Variants in TAF3 observed in about 807,000 individuals in gnomAD.
The protein encoded by TAF3 is TATA-box binding protein associated factor 3.
In TAF3, 7 loss-of-function variants were observed where a neutral mutation model predicts 80.6. The observed-to-expected ratio is 0.09, with a 90% CI of 0.05 to 0.16. The LOEUF (loss-of-function observed/expected upper bound fraction) is 0.16, where lower values mean the gene tolerates loss of function less well. Ranked by LOEUF, TAF3 falls within the 10% of genes least tolerant of loss-of-function variation. The probability of loss-of-function intolerance (pLI) is 1.00; values close to 1 mark genes in which losing one functional copy is unlikely to be tolerated. For missense variants in TAF3, 921 were observed against 1,140.2 expected (o/e 0.81, Z 2.77); for synonymous variants, 444 against 446.1 (o/e 1.00, Z 0.06).
rs149518486 is a variant in TAF3 at position 8,016,108 on chromosome 10, A to C, written c.*1357A>C. On this transcript the variant is annotated 3_prime_UTR_variant, in exon 7 of 7. Transcript: ENST00000344293. ...ATATTTTATTTTTAATGTTAAAAAAACATCAAATTTAACTTTATTAGCATA... is the reference window on the plus strand; with the variant it reads ...ATATTTTATTTTTAATGTTAAAAAACCATCAAATTTAACTTTATTAGCATA... 1.5e-3 allele frequency: 222 copies of C among 152,276 alleles called. No individual in the cohort carries two copies. The highest frequency in any genetic ancestry group is 4.2e-3 in the African/African-American group (176 of 41,538). The allele number at this position is 152,276 out of a possible 1,614,324, so 9.4% of individuals were successfully genotyped here.
chr10:7,934,657 C>G (rs1837899713), intron 2 of TAF3, among the ~76,000 whole-genome samples: 1 of 152,064 alleles, frequency 6.6e-6, no homozygotes, highest in South Asian at 2.1e-4. Context: ...GTTGGCCAGA[C>G]TGGTCTTGAA....
intron 2 of TAF3, among the ~76,000 whole-genome samples, chr10:7,909,462 G>A (rs1837637139): frequency 6.6e-6 from 1 of 152,164 alleles, no homozygotes; most frequent in African/African-American, 2.4e-5. Context: ...AAGCTTCCTT[G>A]GACTTCACTG....
intron 4 of TAF3, among the ~76,000 whole-genome samples, chr10:7,981,714 A>T (rs1450372308): frequency 6.6e-6 from 1 of 152,222 alleles, no homozygotes; most frequent in Non-Finnish European, 1.5e-5. Context: ...CAGTAACTTC[A>T]TCATCAGCCC....
At chr10:7,989,472 A>C (rs1238956414) in intron 4 of TAF3, among the ~76,000 whole-genome samples, 3 of 152,206 alleles carry the variant, frequency 2.0e-5, no homozygotes, top group African/African-American at 4.8e-5. Flanking sequence ...TTTATTTGTG[A>C]ATCATTCCTA....
chr10:7,894,276 A>C (rs1409061886), intron 2 of TAF3, among the ~76,000 whole-genome samples: 1 of 152,218 alleles, frequency 6.6e-6, no homozygotes. Context: ...CAGCAGGGAC[A>C]GTCGGCCCTC....
At chr10:7,861,868 G>A (rs1047874458) in intron 2 of TAF3, among the ~76,000 whole-genome samples, 1 of 151,958 alleles carries the variant, frequency 6.6e-6, no homozygotes, top group Admixed American at 6.6e-5. Context: ...AAAGTTTTTA[G>A]CTATTTATTT....
chr10:7,916,110 C>T (rs1025099469), intron 2 of TAF3, among the ~76,000 whole-genome samples: 2 of 152,126 alleles, frequency 1.3e-5, no homozygotes, highest in Non-Finnish European at 2.9e-5. Flanking sequence ...ACCTCTTAAC[C>T]CAAAGTGTTT....
chr10:7,944,246 A>G (rs1428099185), intron 2 of TAF3, among the ~76,000 whole-genome samples: 4 of 152,026 alleles, frequency 2.6e-5, no homozygotes, highest in Non-Finnish European at 4.4e-5. Context: ...AATACTGCCA[A>G]AAATTCAGGT....
rs753902139 is a variant in TAF3, at chr10:7,964,993, C to T, written c.1483C>T (p.Pro495Ser). The T allele has an allele frequency of 6.2e-7, 1 of 1,614,056 alleles. No homozygotes were observed. Among genetic ancestry groups the T allele is most frequent in the Non-Finnish European group, 8.5e-7 (1 of 1,180,030 alleles). ...MPPNFPYISS[P>S]SVSPPTPEPL... ...CCCCAACTTTCCTTATATCTCTTCT[C>T]CGTCAGTGTCTCCTCCCACTCCCGA... The change falls in exon 3 of 7, where the codon CCG becomes TCG. Residue 495 changes from proline to serine, a missense_variant. This residue lies in a region of TAF3 where 743 missense variants were observed against 821.0 expected (regional missense o/e 0.90). Transcript: ENST00000344293. The surrounding 1 kb of genome is among the most constrained non-coding windows in gnomAD (Gnocchi z 4.1).
At chr10:7,894,548 A>G (rs951106489) in intron 2 of TAF3, among the ~76,000 whole-genome samples, 4 of 152,196 alleles carry the variant, frequency 2.6e-5, no homozygotes, top group African/African-American at 7.2e-5. Context: ...AAGTAGAACA[A>G]TGATTTTTAA....
intron 4 of TAF3, 141 bp downstream of exon 4, chr10:7,977,464 T>G (rs1831684540): frequency 2.9e-6 from 2 of 681,508 alleles, no homozygotes. Flanking sequence ...CTCTTCGTTT[T>G]CAAGTTTTTA....
chr10:7,979,047 A>T (rs1831699061), intron 4 of TAF3, among the ~76,000 whole-genome samples: 1 of 152,080 alleles, frequency 6.6e-6, no homozygotes, highest in Non-Finnish European at 1.5e-5. Context: ...GTCTCTAAAA[A>T]TAAAAAATAA....
At chr10:7,941,512 G>A (rs559721569) in intron 2 of TAF3, among the ~76,000 whole-genome samples, 131 of 152,276 alleles carry the variant, frequency 8.6e-4, no homozygotes, top group South Asian at 2.7e-3. Context: ...TGAGTGGGCC[G>A]TGTAGTAATC....
chr10:8,008,602 C>T (rs1832019448), intron 4 of TAF3, among the ~76,000 whole-genome samples: 1 of 152,218 alleles, frequency 6.6e-6, no homozygotes, highest in African/African-American at 2.4e-5. Flanking sequence ...ACCCAAAAAT[C>T]TCAAGGGCTT....
At chr10:7,940,039 C>T (rs1564367607) in intron 2 of TAF3, among the ~76,000 whole-genome samples, 1 of 151,974 alleles carries the variant, frequency 6.6e-6, no homozygotes, top group Non-Finnish European at 1.5e-5. Context: ...TAGAGGAAAC[C>T]AGAGATTAGG....
At chr10:7,979,523 T>C (rs1273687425) in intron 4 of TAF3, among the ~76,000 whole-genome samples, 1 of 152,208 alleles carries the variant, frequency 6.6e-6, no homozygotes. Context: ...ACAGAATGTC[T>C]AGTATCACGG....
intron 2 of TAF3, among the ~76,000 whole-genome samples, chr10:7,896,073 T>C (rs12411531): frequency 0.05 from 7,576 of 152,210 alleles, 298 homozygotes; most frequent in Admixed American, 0.11. Context: ...TTACCAATGA[T>C]AGTTGAAGTA....
intron 5 of TAF3, among the ~76,000 whole-genome samples, chr10:8,010,963 G>A (rs1415299148): frequency 6.6e-6 from 1 of 152,050 alleles, no homozygotes; most frequent in Non-Finnish European, 1.5e-5. Flanking sequence ...CATTGTTCTG[G>A]GACTGTTTTT....
chr10:7,861,216 G>A (rs1056728033), intron 2 of TAF3, among the ~76,000 whole-genome samples: 2 of 152,070 alleles, frequency 1.3e-5, no homozygotes, highest in African/African-American at 4.8e-5. Flanking sequence ...CGCCCGTCTT[G>A]GCCTCTGGAG....
Sources: allele counts gnomAD v4.1 joint callset (sites outside exome capture counted in the v4.1 genomes callset), GRCh38; gene constraint gnomAD v4.1.1; regional missense constraint gnomAD v4.1.1; non-coding constraint Gnocchi (gnomAD v3.1); transcripts MANE v1.5; gene names NCBI Gene and HGNC (gene_info 2026-07-23, HGNC 2026-07-21).